Variants in NKAIN2 observed in about 807,000 individuals in gnomAD.
NKAIN2 encodes sodium/potassium transporting ATPase interacting 2, also known as sodium/potassium-transporting ATPase subunit beta-1-interacting protein 2.
Under a neutral mutation model 32.6 loss-of-function variants are expected in NKAIN2, and 14 were observed. The ratio of observed to expected loss-of-function variants is 0.43; its 90% CI spans 0.28 to 0.67. The LOEUF (loss-of-function observed/expected upper bound fraction) is 0.67. NKAIN2 is among the 30% of genes least tolerant of loss of function. NKAIN2 has a pLI of 0.17. For missense variants in NKAIN2, 198 were observed against 258.3 expected (o/e 0.77, Z 1.60); for synonymous variants, 80 against 87.2 (o/e 0.92, Z 0.46).
intron 3 of NKAIN2, among the ~76,000 whole-genome samples, chr6:124,464,389 T>A (rs1468718440): frequency 6.6e-6 from 1 of 152,074 alleles, no homozygotes; most frequent in African/African-American, 2.4e-5. Flanking sequence ...TATTGCCATT[T>A]TTTTTACTTT....
chr6:124,450,072 A>G (rs1156488147), intron 3 of NKAIN2, among the ~76,000 whole-genome samples: 2 of 152,130 alleles, frequency 1.3e-5, no homozygotes, highest in East Asian at 3.9e-4. Flanking sequence ...TTTCCTTATA[A>G]CTGAAGAGAA....
chr6:124,651,644 G>C (rs950965911), intron 3 of NKAIN2, among the ~76,000 whole-genome samples: 5 of 152,136 alleles, frequency 3.3e-5, no homozygotes, highest in Non-Finnish European at 7.3e-5. Flanking sequence ...AAGGAGACAA[G>C]CTTCTTGAAT....
At chr6:124,486,484 T>A (rs1777654691) in intron 3 of NKAIN2, among the ~76,000 whole-genome samples, 1 of 152,210 alleles carries the variant, frequency 6.6e-6, no homozygotes, top group Non-Finnish European at 1.5e-5. Flanking sequence ...GGAATATTGA[T>A]AATGGGACTT....
intron 3 of NKAIN2, among the ~76,000 whole-genome samples, chr6:124,595,622 T>A (rs17052120): frequency 0.044 from 6,657 of 152,042 alleles, 206 homozygotes; most frequent in East Asian, 0.091. Flanking sequence ...GCCAAGACAA[T>A]GTAAAATTCA....
chr6:124,026,451 CT>C lies in NKAIN2; in HGVS notation c.54+222201del, dbSNP rs141555826. ...TACCTTGTTCTTCAATGCTCCTTTCCTTTTATCATCAGTAAGCTATAATATT... is the reference window on the plus strand; with the variant it reads ...TACCTTGTTCTTCAATGCTCCTTTCCTTTATCATCAGTAAGCTATAATATT... On this transcript the variant is annotated intron_variant, in intron 1 of 6. Coordinates refer to ENST00000368417, the MANE Select transcript of NKAIN2 (RefSeq NM_001040214.3). 8.6e-4 allele frequency among the ~76,000 whole-genome samples: 131 copies of C among 152,184 alleles called. 3 individuals carry two copies. In the East Asian group the frequency reaches 0.024, roughly 28 times the overall value.
At chr6:124,507,110 T>G (rs1204687174) in intron 3 of NKAIN2, among the ~76,000 whole-genome samples, 1 of 152,234 alleles carries the variant, frequency 6.6e-6, no homozygotes, top group Admixed American at 6.5e-5. Context: ...GATAAGCATT[T>G]TTAAAGTTTT....
chr6:124,346,915 G>A (rs1327823184), intron 2 of NKAIN2, among the ~76,000 whole-genome samples: 1 of 152,066 alleles, frequency 6.6e-6, no homozygotes, highest in East Asian at 1.9e-4. Flanking sequence ...AGTTGATGCA[G>A]TTTCTTCCTA....
At chr6:124,629,935 C>T (rs144532007) in intron 3 of NKAIN2, among the ~76,000 whole-genome samples, 7 of 152,110 alleles carry the variant, frequency 4.6e-5, no homozygotes, top group Non-Finnish European at 1.0e-4. Flanking sequence ...TGCTGGTGTG[C>T]ACTTGGCCAT....
At chr6:124,575,381 A>G (rs576646) in intron 3 of NKAIN2, among the ~76,000 whole-genome samples, 69,228 of 152,174 alleles carry the variant, frequency 0.45, 18,945 homozygotes, top group Non-Finnish European at 0.58. Flanking sequence ...TTTTATAATG[A>G]CATTTATAAA....
At chr6:124,620,259 T>C (rs1783057291) in intron 3 of NKAIN2, among the ~76,000 whole-genome samples, 1 of 152,198 alleles carries the variant, frequency 6.6e-6, no homozygotes, top group South Asian at 2.1e-4. Context: ...AAAATTCACA[T>C]ACAGGGTAAT....
chr6:124,145,078 T>C (rs150157684), intron 1 of NKAIN2, among the ~76,000 whole-genome samples: 167 of 152,256 alleles, frequency 1.1e-3, no homozygotes, highest in Middle Eastern at 3.4e-3. Flanking sequence ...TATAATCAGA[T>C]ATCACTACAC....
At chr6:124,179,860 G>T (rs191165962) in intron 1 of NKAIN2, among the ~76,000 whole-genome samples, 16 of 152,314 alleles carry the variant, frequency 1.1e-4, no homozygotes, top group East Asian at 7.7e-4. Flanking sequence ...GAAGATGTTG[G>T]TTGTCATTTT....
At chr6:124,086,378 A>G (rs1376332777) in intron 1 of NKAIN2, among the ~76,000 whole-genome samples, 2 of 152,002 alleles carry the variant, frequency 1.3e-5, no homozygotes, top group African/African-American at 2.4e-5. Context: ...TTGAGAAACC[A>G]GTAATATCAG....
intron 2 of NKAIN2, among the ~76,000 whole-genome samples, chr6:124,316,507 T>C (rs1045537553): frequency 6.6e-6 from 1 of 152,148 alleles, no homozygotes; most frequent in Non-Finnish European, 1.5e-5. Flanking sequence ...AGTCACAGTT[T>C]ATACACTGAG....
intron 4 of NKAIN2, among the ~76,000 whole-genome samples, chr6:124,659,205 T>C (rs1160183303): frequency 6.6e-6 from 1 of 152,200 alleles, no homozygotes. Flanking sequence ...CAGAACTGCA[T>C]AGATTTTTCT....
At chr6:124,240,090 A>G (rs1025966423) in intron 1 of NKAIN2, among the ~76,000 whole-genome samples, 1 of 152,180 alleles carries the variant, frequency 6.6e-6, no homozygotes, top group Non-Finnish European at 1.5e-5. Context: ...AGAAATACAA[A>G]CTACCATCAG....
intron 2 of NKAIN2, among the ~76,000 whole-genome samples, chr6:124,352,726 C>T (rs988190364): frequency 7.2e-5 from 11 of 152,238 alleles, no homozygotes; most frequent in South Asian, 4.2e-4. Context: ...ATCAGTCATG[C>T]GTTTTCTATC....
At chr6:123,811,946 A>G (rs1773493414) in intron 1 of NKAIN2, among the ~76,000 whole-genome samples, 1 of 152,196 alleles carries the variant, frequency 6.6e-6, no homozygotes, top group South Asian at 2.1e-4. Context: ...GGATTTTACA[A>G]ACAAGTCAAC....
chr6:124,023,591 A>G (rs1285414598), intron 1 of NKAIN2, among the ~76,000 whole-genome samples: 1 of 152,150 alleles, frequency 6.6e-6, no homozygotes. Context: ...TTGTTTTATT[A>G]TTTAAGAAAT....
Sources: allele counts gnomAD v4.1 joint callset (sites outside exome capture counted in the v4.1 genomes callset), GRCh38; gene constraint gnomAD v4.1.1; transcripts MANE v1.5; gene names NCBI Gene and HGNC (gene_info 2026-07-23, HGNC 2026-07-21).